The following NXPH1 variants were observed in gnomAD, a reference collection of about 807,000 sequenced individuals.
The protein encoded by NXPH1 is neurexophilin 1, also known as neurexophilin-1.
In NXPH1, 5 loss-of-function variants were observed where a neutral mutation model predicts 23.7. That is an observed-to-expected ratio of 0.21 (90% CI 0.11 to 0.44). NXPH1 has a LOEUF of 0.44. Ranked by LOEUF, NXPH1 falls within the 20% of genes least tolerant of loss-of-function variation. NXPH1 has a pLI of 0.99. For synonymous variants in NXPH1, 144 were observed against 122.2 expected (o/e 1.18, Z -1.18); for missense variants, 324 against 321.6 (o/e 1.01, Z -0.06).
intron 2 of NXPH1, among the ~76,000 whole-genome samples, chr7:8,649,448 G>T (rs1269316989): frequency 6.6e-6 from 1 of 152,060 alleles, no homozygotes; most frequent in African/African-American, 2.4e-5. Flanking sequence ...ATGTGCACCT[G>T]CATATACACA....
chr7:8,542,298 A>G (rs950192318), intron 2 of NXPH1, among the ~76,000 whole-genome samples: 7 of 151,608 alleles, frequency 4.6e-5, no homozygotes, highest in Non-Finnish European at 1.0e-4. Flanking sequence ...AATTATAAGC[A>G]TTTATGTATC....
chr7:8,483,534 C>T (rs1184017206), intron 2 of NXPH1, among the ~76,000 whole-genome samples: 1 of 152,022 alleles, frequency 6.6e-6, no homozygotes, highest in Non-Finnish European at 1.5e-5. Flanking sequence ...GTCTCAAACT[C>T]CTGGGCTCAA....
At chr7:8,518,923 T>C (rs1474178778) in intron 2 of NXPH1, among the ~76,000 whole-genome samples, 1 of 149,448 alleles carries the variant, frequency 6.7e-6, no homozygotes, top group African/African-American at 2.4e-5. Flanking sequence ...CCCCTGTTCA[T>C]TTTTTTTTTC....
chr7:8,536,649 A>C (rs1224951451), intron 2 of NXPH1, among the ~76,000 whole-genome samples: 1 of 151,904 alleles, frequency 6.6e-6, no homozygotes, highest in African/African-American at 2.4e-5. Flanking sequence ...TTGCTCTTAG[A>C]GACATTCTGG....
At chr7:8,747,058 C>T (rs539896189) in intron 2 of NXPH1, among the ~76,000 whole-genome samples, 9 of 152,188 alleles carry the variant, frequency 5.9e-5, no homozygotes, top group African/African-American at 2.2e-4. Flanking sequence ...CAGGTACTGT[C>T]CTTAGTAATT....
At chr7:8,722,356 G>A (rs1779982595) in intron 2 of NXPH1, among the ~76,000 whole-genome samples, 1 of 152,118 alleles carries the variant, frequency 6.6e-6, no homozygotes, top group Admixed American at 6.5e-5. Context: ...TCCCTTCAGA[G>A]CCTGAAGAAT....
In NXPH1 at chr7:8,752,574, G is replaced by A. The variant is rs992305065; in HGVS notation, c.*805G>A. On this transcript the variant is annotated 3_prime_UTR_variant, in exon 3 of 3. Transcript: ENST00000405863. ...CTGATCATTATATAAGAAGGGAAAT[G>A]CCTGGCAGACACCATGTAAGTTATA... 6.6e-6 allele frequency: 1 copy of A among 152,472 alleles called. No individual in the cohort carries two copies. Among genetic ancestry groups the A allele is most frequent in the Non-Finnish European group, 1.5e-5 (1 of 68,004 alleles). 9.4% of individuals were successfully genotyped at this position (152,472 alleles called of 1,614,324 possible). A position where few individuals can be genotyped will look rare whatever the true frequency, so the allele number is the denominator to read the frequency against.
At chr7:8,591,900 A>T (rs1279087193) in intron 2 of NXPH1, among the ~76,000 whole-genome samples, 2 of 150,738 alleles carry the variant, frequency 1.3e-5, no homozygotes, top group South Asian at 4.2e-4. Flanking sequence ...GTTTGAGGAC[A>T]AGTTGTCTGT....
chr7:8,533,267 C>A (rs569724104), intron 2 of NXPH1, among the ~76,000 whole-genome samples: 1 of 152,086 alleles, frequency 6.6e-6, no homozygotes, highest in African/African-American at 2.4e-5. Flanking sequence ...TTGTCATCAG[C>A]CCAATACTGA....
chr7:8,591,710 A>G (rs373838846), intron 2 of NXPH1, among the ~76,000 whole-genome samples: 1 of 152,124 alleles, frequency 6.6e-6, no homozygotes, highest in Admixed American at 6.6e-5. Context: ...TTCCCCTGGC[A>G]CCTAGAAGTG....
At chr7:8,732,347 C>T (rs888145623) in intron 2 of NXPH1, among the ~76,000 whole-genome samples, 16 of 152,240 alleles carry the variant, frequency 1.1e-4, no homozygotes, top group Non-Finnish European at 1.9e-4. Flanking sequence ...TGTTCCCATT[C>T]GGCCATCTTG....
At chr7:8,526,314 G>T (rs1000675427) in intron 2 of NXPH1, among the ~76,000 whole-genome samples, 6 of 152,148 alleles carry the variant, frequency 3.9e-5, no homozygotes, top group South Asian at 2.1e-4. Context: ...TACTTCTATT[G>T]TATCTAGGAA....
chr7:8,473,180 C>G (rs1816896965), intron 2 of NXPH1, among the ~76,000 whole-genome samples: 5 of 152,114 alleles, frequency 3.3e-5, no homozygotes, highest in Admixed American at 3.3e-4. Flanking sequence ...CAGATTAATT[C>G]TTCAATGTAG....
intron 2 of NXPH1, among the ~76,000 whole-genome samples, chr7:8,688,096 G>C (rs1456275967): frequency 6.6e-6 from 1 of 152,060 alleles, no homozygotes; most frequent in Non-Finnish European, 1.5e-5. Context: ...ATTATGACTT[G>C]CTTCTCCATG....
At chr7:8,563,644 A>C (rs566729110) in intron 2 of NXPH1, among the ~76,000 whole-genome samples, 4 of 151,738 alleles carry the variant, frequency 2.6e-5, no homozygotes, top group Non-Finnish European at 4.4e-5. Context: ...GGAGAAGTCA[A>C]ATTTCCTTGG....
At chr7:8,655,182 C>T (rs1241186931) in intron 2 of NXPH1, among the ~76,000 whole-genome samples, 3 of 151,980 alleles carry the variant, frequency 2.0e-5, no homozygotes, top group Admixed American at 6.6e-5. Flanking sequence ...GCCAGGAACT[C>T]GAGACCAGCC....
chr7:8,652,053 T>C (rs1178529971), intron 2 of NXPH1, among the ~76,000 whole-genome samples: 1 of 152,142 alleles, frequency 6.6e-6, no homozygotes. Flanking sequence ...TTAAATTCCA[T>C]CTGTCCCTTT....
chr7:8,494,023 T>A (rs929737431), intron 2 of NXPH1, among the ~76,000 whole-genome samples: 1 of 152,050 alleles, frequency 6.6e-6, no homozygotes, highest in Non-Finnish European at 1.5e-5. Flanking sequence ...TGTTTTAAAT[T>A]AGAAAAGTTC....
At chr7:8,733,293 G>T (rs1780190459) in intron 2 of NXPH1, among the ~76,000 whole-genome samples, 1 of 152,164 alleles carries the variant, frequency 6.6e-6, no homozygotes, top group African/African-American at 2.4e-5. Context: ...GGGCATTTCT[G>T]TTGGTTCCAA....
Sources: allele counts gnomAD v4.1 joint callset (sites outside exome capture counted in the v4.1 genomes callset), GRCh38; gene constraint gnomAD v4.1.1; transcripts MANE v1.5; gene names NCBI Gene and HGNC (gene_info 2026-07-23, HGNC 2026-07-21).